C20orf203: variants seen among roughly 807,000 people sequenced by gnomAD.
C20orf203 encodes the protein chromosome 20 open reading frame 203.
Under a neutral mutation model 15.9 loss-of-function variants are expected in C20orf203, and 16 were observed. The observed-to-expected ratio is 1.01, with a 90% confidence interval of 0.68 to 1.53. C20orf203 has a LOEUF of 1.53. Among genes scored for constraint, C20orf203 ranks in the 40% most tolerant of loss-of-function variants. The pLI, the probability that C20orf203 is intolerant of heterozygous loss-of-function variation, is 0.00. For missense variants in C20orf203, 263 were observed against 247.5 expected (o/e 1.06, Z -0.42); for synonymous variants, 98 against 97.2 (o/e 1.01, Z -0.05).
rs764707682 is a variant in C20orf203, at chr20:32,650,708, C to A, written c.309G>T (p.Gly103=). The A allele has an allele frequency of 9.7e-6, 15 of 1,547,348 alleles. No individual in the cohort carries two copies. In the South Asian group the frequency reaches 1.8e-4, roughly 19 times the overall value. ...YQERIWVGGE[G]WGEVGGLRLS... ...GCCTGAGGCCTCCAACTTCCCCCCA[C>A]CCCTCCCCACCAACCCAAATCCTTT... Residue 103 remains glycine, a synonymous_variant, in exon 4 of 6, where the codon GGG becomes GGT. Transcript: ENST00000608990.
intron 5 of C20orf203, among the ~76,000 whole-genome samples, chr20:32,639,777 C>A (rs191249182): frequency 2.0e-5 from 3 of 152,042 alleles, no homozygotes; most frequent in African/African-American, 4.8e-5. Context: ...TTGGCCACTG[C>A]CCCCCTACTT....
At chr20:32,648,916 A>T (rs1257955566) in intron 4 of C20orf203, among the ~76,000 whole-genome samples, 1 of 152,116 alleles carries the variant, frequency 6.6e-6, no homozygotes. Context: ...TTGGTACATT[A>T]CACTGATGAG....
At chr20:32,670,568 T>C (rs1232317389) in intron 1 of C20orf203, among the ~76,000 whole-genome samples, 1 of 152,016 alleles carries the variant, frequency 6.6e-6, no homozygotes, top group African/African-American at 2.4e-5. Context: ...GCACAGTGGT[T>C]CACACCTGTA....
intron 1 of C20orf203, among the ~76,000 whole-genome samples, chr20:32,663,062 C>T (rs990748914): frequency 1.3e-5 from 2 of 151,180 alleles, no homozygotes; most frequent in African/African-American, 4.9e-5. Context: ...GATTCTCGTG[C>T]CTCAGCCTCC....
At chr20:32,644,861 C>T (rs1982380694) in intron 4 of C20orf203, among the ~76,000 whole-genome samples, 1 of 151,408 alleles carries the variant, frequency 6.6e-6, no homozygotes, top group Non-Finnish European at 1.5e-5. Context: ...GGTGAGATCT[C>T]AATTCTGATA....
intron 4 of C20orf203, among the ~76,000 whole-genome samples, chr20:32,643,185 G>A (rs1600927850): frequency 6.6e-6 from 1 of 152,274 alleles, no homozygotes; most frequent in African/African-American, 2.4e-5. Flanking sequence ...GGGTGCCAGG[G>A]CAGCCTCTGA....
At chr20:32,669,270 G>A (rs1983106275) in intron 1 of C20orf203, among the ~76,000 whole-genome samples, 1 of 152,164 alleles carries the variant, frequency 6.6e-6, no homozygotes, top group South Asian at 2.1e-4. Flanking sequence ...TGACTCCAAA[G>A]TATGCACAGC....
At chr20:32,650,955 C>G in intron 3 of C20orf203, 63 bp downstream of exon 3, 2 of 1,441,852 alleles carry the variant, frequency 1.4e-6, no homozygotes, top group Admixed American at 5.7e-5. Flanking sequence ...TTAGGTCTTC[C>G]CTAATTTCCC....
Position 32,672,711 on chromosome 20 carries a change from T to C in C20orf203, c.-264+921A>G, listed in dbSNP as rs6058804. Among the ~76,000 whole-genome samples, 67 of 152,268 alleles carry C rather than the reference T, an allele frequency of 4.4e-4. 2 individuals are homozygous for C. The highest frequency in any genetic ancestry group is 1.5e-3 in the African/African-American group (63 of 41,538). ...GAATTTCTCACCACACCAGGCCTTT[T>C]TGTTCTGGGACTCTTCCTCCTCTAC... is the stretch of plus-strand genomic sequence containing the variant. On this transcript the variant is annotated intron_variant, in intron 1 of 5. Transcript: ENST00000608990.
At chr20:32,658,453 C>G (rs541599999) in intron 1 of C20orf203, among the ~76,000 whole-genome samples, 1 of 152,178 alleles carries the variant, frequency 6.6e-6, no homozygotes, top group Non-Finnish European at 1.5e-5. Context: ...CCATGCCCAG[C>G]TAATTTTTGA....
At chr20:32,662,221 G>C (rs1162038233) in intron 1 of C20orf203, among the ~76,000 whole-genome samples, 1 of 152,172 alleles carries the variant, frequency 6.6e-6, no homozygotes, top group Non-Finnish European at 1.5e-5. Flanking sequence ...TGTTTTGGGG[G>C]CTTGTTCTAA....
At chr20:32,652,077 G>C (rs980946419) in intron 1 of C20orf203, 96 bp from the exon 2 acceptor site, 4 of 152,176 alleles carry the variant, frequency 2.6e-5, no homozygotes, top group Non-Finnish European at 4.4e-5. Context: ...GGGAGGCTTA[G>C]GCAGGAGGAT....
chr20:32,662,069 G>A (rs1177189097), intron 1 of C20orf203, among the ~76,000 whole-genome samples: 3 of 152,262 alleles, frequency 2.0e-5, no homozygotes, highest in Non-Finnish European at 2.9e-5. Flanking sequence ...TCCACCACCC[G>A]CTCACGCCCC....
At chr20:32,667,141 C>T (rs1983056411) in intron 1 of C20orf203, among the ~76,000 whole-genome samples, 1 of 151,936 alleles carries the variant, frequency 6.6e-6, no homozygotes, top group Admixed American at 6.6e-5. Flanking sequence ...TGGGGCTGCA[C>T]TGGGGCAGAG....
chr20:32,639,878 A>T (rs1489905546), intron 5 of C20orf203, among the ~76,000 whole-genome samples: 1 of 152,210 alleles, frequency 6.6e-6, no homozygotes, highest in South Asian at 2.1e-4. Flanking sequence ...CCACTCTGGC[A>T]CACACGTAAT....
intron 5 of C20orf203, among the ~76,000 whole-genome samples, chr20:32,639,962 T>A (rs886483554): frequency 6.6e-6 from 1 of 152,190 alleles, no homozygotes; most frequent in Non-Finnish European, 1.5e-5. Flanking sequence ...GTGGGCGGCC[T>A]GCTTCCTTTC....
chr20:32,664,486 G>A (rs1400896848), intron 1 of C20orf203, among the ~76,000 whole-genome samples: 3 of 152,228 alleles, frequency 2.0e-5, no homozygotes, highest in African/African-American at 7.2e-5. Context: ...GGTCCTGGAA[G>A]CTCCTGCCCT....
In C20orf203 at chr20:32,633,231, A is replaced by C. The variant is rs1410250474; in HGVS notation, c.*2339T>G. ...AACCCTCAGTTTTGGACAAACCAGG[A>C]TGGTTGGTCACCCTAAAGGTAAACT... is the stretch of plus-strand genomic sequence containing the variant. On this transcript the variant is annotated 3_prime_UTR_variant, in exon 6 of 6. Coordinates refer to ENST00000608990, the MANE Select transcript of C20orf203 (RefSeq NM_182584.4). 1 of 152,176 alleles carries C rather than the reference A, an allele frequency of 6.6e-6. No homozygotes were observed. The highest frequency in any genetic ancestry group is 1.9e-4 in the East Asian group (1 of 5,204). The allele number at this position is 152,176 out of a possible 1,614,324, so 9.4% of individuals were successfully genotyped here. A position where few individuals can be genotyped will look rare whatever the true frequency, so the allele number is the denominator to read the frequency against.
At chr20:32,655,020 T>A (rs1404823498) in intron 1 of C20orf203, among the ~76,000 whole-genome samples, 2 of 152,098 alleles carry the variant, frequency 1.3e-5, no homozygotes, top group South Asian at 4.1e-4. Flanking sequence ...TCACATTTGG[T>A]TCAGCCGCAA....
Sources: allele counts gnomAD v4.1 joint callset (sites outside exome capture counted in the v4.1 genomes callset), GRCh38; gene constraint gnomAD v4.1.1; transcripts MANE v1.5; gene names NCBI Gene and HGNC (gene_info 2026-07-23, HGNC 2026-07-21).